Variants in ADGB observed in about 807,000 individuals in gnomAD.
ADGB encodes androglobin, also known as calpain-7-like protein.
Under a neutral mutation model 210.5 loss-of-function variants are expected in ADGB, and 172 were observed. The observed-to-expected ratio is 0.82, with a 90% confidence interval of 0.72 to 0.93. The LOEUF (loss-of-function observed/expected upper bound fraction) is 0.93. ADGB is among the 40% of genes least tolerant of loss of function. ADGB has a pLI of 0.00. For synonymous variants in ADGB, 658 were observed against 662.7 expected, an observed-to-expected ratio of 0.99 and a Z score of 0.11; for missense variants, 2,025 against 1,964.8, an observed-to-expected ratio of 1.03 and a Z score of -0.58.
chr6:146,720,639 A>G (rs1378202132), intron 16 of ADGB, among the ~76,000 whole-genome samples: 1 of 152,150 alleles, frequency 6.6e-6, no homozygotes, highest in African/African-American at 2.4e-5. Flanking sequence ...GCTGTACAGA[A>G]AGCATGGCTG....
intron 33 of ADGB, among the ~76,000 whole-genome samples, chr6:146,792,029 C>T (rs180945545): frequency 2.8e-4 from 43 of 151,546 alleles, no homozygotes; most frequent in Admixed American, 2.5e-3. Context: ...CTTGGCCTCC[C>T]AAAGTGCTAG....
intron 1 of ADGB, among the ~76,000 whole-genome samples, chr6:146,617,235 T>C (rs193103980): frequency 4.4e-4 from 67 of 152,264 alleles, no homozygotes; most frequent in African/African-American, 1.6e-3. Flanking sequence ...TCTTGATTTC[T>C]TTTTCAATTG....
chr6:146,633,795 A>T (rs2114857217), intron 1 of ADGB, among the ~76,000 whole-genome samples: 1 of 152,254 alleles, frequency 6.6e-6, no homozygotes, highest in South Asian at 2.1e-4. Flanking sequence ...CACACACCTC[A>T]TAACAACACT....
intron 25 of ADGB, among the ~76,000 whole-genome samples, chr6:146,744,237 T>C (rs2114602410): frequency 6.6e-6 from 1 of 152,246 alleles, no homozygotes; most frequent in South Asian, 2.1e-4. Flanking sequence ...AGAGAGAACA[T>C]CTTTGGCCGA....
intron 1 of ADGB, among the ~76,000 whole-genome samples, chr6:146,633,171 G>A (rs1252369954): frequency 6.6e-6 from 1 of 152,002 alleles, no homozygotes; most frequent in Non-Finnish European, 1.5e-5. Flanking sequence ...ACGGTCTTCT[G>A]TCGATAAGGA....
intron 22 of ADGB, among the ~76,000 whole-genome samples, chr6:146,734,487 G>A (rs76988737): frequency 0.051 from 7,688 of 152,166 alleles, 212 homozygotes; most frequent in Middle Eastern, 0.071. Flanking sequence ...TAATAAAGAA[G>A]CCACTATGTA....
intron 33 of ADGB, among the ~76,000 whole-genome samples, chr6:146,790,505 T>G (rs184433667): frequency 6.6e-6 from 1 of 152,306 alleles, no homozygotes; most frequent in Admixed American, 6.5e-5. Context: ...GTCCATAATG[T>G]GGCAAATGAC....
At chr6:146,781,681 T>C (rs1201144201) in intron 29 of ADGB, among the ~76,000 whole-genome samples, 1 of 152,256 alleles carries the variant, frequency 6.6e-6, no homozygotes. Context: ...ATGAGTTCAA[T>C]ATTGTATTAC....
chr6:146,706,167 C>T (rs1015412041), intron 13 of ADGB, among the ~76,000 whole-genome samples: 8 of 151,872 alleles, frequency 5.3e-5, no homozygotes, highest in Admixed American at 2.0e-4. Context: ...TTCAATCCTC[C>T]TGCCTTGGCC....
rs1197177319 is a variant in ADGB at position 146,782,010 on chromosome 6, G to T, written c.3863-10G>T. 1 of 1,435,662 alleles carries T rather than the reference G, an allele frequency of 7.0e-7. No individual in the cohort carries two copies. Among genetic ancestry groups the T allele is most frequent in the Non-Finnish European group, 9.1e-7 (1 of 1,096,492 alleles). The allele number at this position is 1,435,662 out of a possible 1,614,324, so 88.9% of individuals were successfully genotyped here. On this transcript the variant is annotated splice_polypyrimidine_tract_variant and intron_variant, in intron 29 of 35. Coordinates refer to ENST00000397944, the MANE Select transcript of ADGB (RefSeq NM_024694.4). ...ATGACTCACCATTTTTTATTTTTAT[G>T]TCTCTCTAGCTTATGGTGAAAGACA...
At position 146,664,357 on chromosome 6, in the gene ADGB, T is replaced by C. The variant is rs1468671141; in HGVS notation, c.752+17T>C. On this transcript the variant is annotated intron_variant, in intron 6 of 35. Transcript: ENST00000397944. ...AAATATTGAGTATGTAATGACACTA[T>C]CACTCACATGAATAAAAAAAGCAAA... The C allele has an allele frequency of 3.3e-6, 5 of 1,531,102 alleles. No homozygotes were observed. In the East Asian group the frequency reaches 1.2e-4, roughly 38 times the overall value. 94.8% of individuals were successfully genotyped at this position (1,531,102 alleles called of 1,614,324 possible).
chr6:146,607,436 TA>T (rs1449015047), intron 1 of ADGB, among the ~76,000 whole-genome samples: 1 of 152,186 alleles, frequency 6.6e-6, no homozygotes, highest in Non-Finnish European at 1.5e-5. Context: ...TGATTTGGAA[TA>T]GGAGTGGTGA....
rs754776474 is a variant in ADGB, at chr6:146,815,051, G to T, written c.4838G>T (p.Arg1613Leu). The T allele has an allele frequency of 3.2e-6, 5 of 1,544,396 alleles. No homozygotes were observed. The highest frequency in any genetic ancestry group is 1.2e-5 in the South Asian group (1 of 82,656). ...KEMQDSLDEA[R>L]QKIFDIREEY... The stretch of plus-strand genomic sequence containing the variant: ...GAACAGGACTCCTTAGATGAAGCCC[G>T]ACAGAAAATTTTCGACATCCGGGAA... Residue 1613 changes from arginine (R) to leucine (L), a missense_variant, in exon 36 of 36, where the codon CGA (arginine) becomes CTA (leucine). By Grantham distance (102) the Arg-to-Leu change is moderately radical. Transcript: ENST00000397944.
At chr6:146,625,479 T>G (rs940163617) in intron 1 of ADGB, among the ~76,000 whole-genome samples, 9 of 152,276 alleles carry the variant, frequency 5.9e-5, no homozygotes, top group African/African-American at 2.2e-4. Flanking sequence ...TGGTATGGTT[T>G]GGACATTTGT....
Position 146,685,797 on chromosome 6 carries a change from T to C in ADGB, c.1280T>C (p.Phe427Ser), listed in dbSNP as rs922232494. 6.5e-7 allele frequency: 1 copy of C among 1,540,636 alleles called. No homozygotes were observed. The highest frequency in any genetic ancestry group is 1.4e-5 in the African/African-American group (1 of 72,334). The part of the protein sequence containing the change: ...VYATFTPLYL[F>S]ENKIFSLEKM... ...GCGACATTTACACCTCTTTATTTGT[T>C]TGAAAACAAGATCTTTTCATTAGAG... Residue 427 changes from phenylalanine (F) to serine (S), a missense_variant, in exon 10 of 36, where the codon TTT (phenylalanine) becomes TCT (serine). Physicochemically the swap from Phe to Ser is radical, Grantham distance 155. Coordinates refer to ENST00000397944, the MANE Select transcript of ADGB (RefSeq NM_024694.4).
chr6:146,660,836 TA>T (rs1775844673), intron 5 of ADGB, among the ~76,000 whole-genome samples: 2 of 152,218 alleles, frequency 1.3e-5, no homozygotes, highest in Non-Finnish European at 2.9e-5. Context: ...TCTTGTATTT[TA>T]ATTTGTCTGT....
At chr6:146,605,369 C>T (rs1290246805) in intron 1 of ADGB, among the ~76,000 whole-genome samples, 1 of 152,024 alleles carries the variant, frequency 6.6e-6, no homozygotes, top group Non-Finnish European at 1.5e-5. Flanking sequence ...TTTCCAGCCT[C>T]CAGTTGCAGT....
At chr6:146,642,207 T>G (rs1163679599) in intron 2 of ADGB, among the ~76,000 whole-genome samples, 1 of 151,848 alleles carries the variant, frequency 6.6e-6, no homozygotes, top group Admixed American at 6.6e-5. Flanking sequence ...CCTATCAGAA[T>G]GGGTATTATT....
intron 35 of ADGB, among the ~76,000 whole-genome samples, chr6:146,811,785 C>T (rs1365407452): frequency 1.3e-5 from 2 of 152,244 alleles, no homozygotes; most frequent in African/African-American, 4.8e-5. Context: ...GATTTTCCTG[C>T]CTCAGCCTCC....
Sources: allele counts gnomAD v4.1 joint callset (sites outside exome capture counted in the v4.1 genomes callset), GRCh38; gene constraint gnomAD v4.1.1; transcripts MANE v1.5; gene names NCBI Gene and HGNC (gene_info 2026-07-23, HGNC 2026-07-21).